The following WWOX variants were observed in gnomAD, a reference collection of about 807,000 sequenced individuals.
WWOX encodes WW domain containing oxidoreductase.
WWOX carries 69 observed loss-of-function variants against 46.2 expected under a neutral mutation model. The ratio of observed to expected loss-of-function variants is 1.49; its 90% CI spans 1.23 to 1.82. The LOEUF (loss-of-function observed/expected upper bound fraction) is 1.82. Ranked by LOEUF, WWOX falls within the 40% of genes most tolerant of loss-of-function variation. The pLI is 0.00. For missense variants in WWOX, 919 were observed against 542.6 expected (o/e 1.69, Z -6.89); for synonymous variants, 359 against 202.6 (o/e 1.77, Z -6.56).
intron 5 of WWOX, among the ~76,000 whole-genome samples, chr16:78,289,547 A>G (rs1445052738): frequency 1.3e-5 from 2 of 152,208 alleles, no homozygotes; most frequent in Non-Finnish European, 2.9e-5. Flanking sequence ...TACTTTTCCC[A>G]ACAATCGGTT....
intron 8 of WWOX, chr16:79,110,817 G>C (rs1012376960): frequency 2.0e-5 from 3 of 152,206 alleles, no homozygotes; most frequent in African/African-American, 7.2e-5. Flanking sequence ...CCTTTTATCA[G>C]CTGGGTGTTG....
In WWOX at chr16:78,167,043, T is replaced by G. The variant is rs917106546; in HGVS notation, c.516+2754T>G. On this transcript the variant is annotated intron_variant, in intron 5 of 8. Transcript: ENST00000566780. ...AATTCCAGGGACGCTAGTGACACTA[T>G]GGTAACCTGATTGTACAGTGACATT... The G allele has an allele frequency of 8.5e-5, 13 of 152,358 alleles. 1 individual carries two copies. Among genetic ancestry groups the G allele is most frequent in the African/African-American group, 2.9e-4 (12 of 41,592 alleles). 9.4% of individuals were successfully genotyped at this position (152,358 alleles called of 1,614,324 possible).
chr16:78,622,507 A>G (rs908312151), intron 8 of WWOX, among the ~76,000 whole-genome samples: 8 of 150,518 alleles, frequency 5.3e-5, no homozygotes, highest in Non-Finnish European at 7.4e-5. Context: ...GTGCCACTGT[A>G]CTCCAGCCTG....
At chr16:78,131,122 G>A (rs1310496270) in intron 4 of WWOX, among the ~76,000 whole-genome samples, 1 of 152,184 alleles carries the variant, frequency 6.6e-6, no homozygotes, top group Non-Finnish European at 1.5e-5. Context: ...TGGGACCGCC[G>A]TTGTATCTGC....
At chr16:78,517,738 A>T (rs79334981) in intron 8 of WWOX, among the ~76,000 whole-genome samples, 8 of 150,918 alleles carry the variant, frequency 5.3e-5, no homozygotes, top group African/African-American at 1.7e-4. Context: ...AACTAAACAC[A>T]TGTCACGTTA....
At chr16:79,074,730 A>C in intron 8 of WWOX, among the ~76,000 whole-genome samples, 1 of 152,126 alleles carries the variant, frequency 6.6e-6, no homozygotes, top group Non-Finnish European at 1.5e-5. Context: ...CTACAAAGAT[A>C]ACTAAGCTGA....
At chr16:78,896,433 C>T (rs2044702000) in intron 8 of WWOX, 1 of 152,170 alleles carries the variant, frequency 6.6e-6, no homozygotes, top group Non-Finnish European at 1.5e-5. Flanking sequence ...TCCGTTAGCA[C>T]ACTGAAGCCA....
At chr16:78,961,215 C>G (rs1226655668) in intron 8 of WWOX, among the ~76,000 whole-genome samples, 2 of 152,064 alleles carry the variant, frequency 1.3e-5, no homozygotes, top group Non-Finnish European at 2.9e-5. Context: ...GTTAAAAGGT[C>G]TATGCAGATT....
intron 8 of WWOX, among the ~76,000 whole-genome samples, chr16:78,433,110 T>C (rs1347796350): frequency 1.3e-5 from 2 of 152,188 alleles, no homozygotes; most frequent in Non-Finnish European, 2.9e-5. Flanking sequence ...AACTGCTGTT[T>C]TGTGTCAGTA....
chr16:78,947,635 G>A (rs74032447), intron 8 of WWOX, among the ~76,000 whole-genome samples: 2,580 of 152,276 alleles, frequency 0.017, 80 homozygotes, highest in African/African-American at 0.059. Context: ...GATAACCCCC[G>A]ATCGTAATAA....
At chr16:78,137,336 A>G (rs1472205701) in intron 4 of WWOX, among the ~76,000 whole-genome samples, 1 of 152,114 alleles carries the variant, frequency 6.6e-6, no homozygotes, top group Non-Finnish European at 1.5e-5. Flanking sequence ...CAGCTTGCCA[A>G]TTCTGGGGCC....
intron 8 of WWOX, among the ~76,000 whole-genome samples, chr16:78,549,320 C>T (rs898012709): frequency 1.3e-5 from 2 of 152,200 alleles, no homozygotes; most frequent in Non-Finnish European, 2.9e-5. Flanking sequence ...GAGCGTTCAA[C>T]CTGATTGAAT....
At chr16:79,083,664 G>T (rs1317699121) in intron 8 of WWOX, among the ~76,000 whole-genome samples, 2 of 152,114 alleles carry the variant, frequency 1.3e-5, no homozygotes, top group Non-Finnish European at 2.9e-5. Context: ...AAAGACAATT[G>T]CACGGCACAG....
chr16:78,912,186 C>G (rs1439569530), intron 8 of WWOX, among the ~76,000 whole-genome samples: 1 of 152,026 alleles, frequency 6.6e-6, no homozygotes, highest in Non-Finnish European at 1.5e-5. Context: ...ATAATTAATA[C>G]TAGCTCTTAT....
chr16:78,673,557 T>C (rs1428717527), intron 8 of WWOX, among the ~76,000 whole-genome samples: 1 of 152,102 alleles, frequency 6.6e-6, no homozygotes, highest in African/African-American at 2.4e-5. Context: ...TTCTGGATGG[T>C]TGAAGGGGAA....
chr16:78,319,811 C>A lies in WWOX; in HGVS notation c.517-67049C>A, dbSNP rs1202116941. Among the ~76,000 whole-genome samples the A allele has an allele frequency of 2.0e-5, 3 of 152,148 alleles. No individual in the cohort carries two copies. The East Asian group carries it at 5.8e-4, about 29-fold the overall frequency. On this transcript the variant is annotated intron_variant, in intron 5 of 8. Coordinates refer to ENST00000566780, the MANE Select transcript of WWOX (RefSeq NM_016373.4). ...CACACTTGCCACCCTCCGCCCTTAG[C>A]CTTTCTTTCAGCCTGTGAGGAAGCA... is the stretch of plus-strand genomic sequence containing the variant.
At chr16:78,372,746 T>A (rs1159510937) in intron 5 of WWOX, among the ~76,000 whole-genome samples, 1 of 152,234 alleles carries the variant, frequency 6.6e-6, no homozygotes, top group African/African-American at 2.4e-5. Context: ...AATAATCTTA[T>A]AGGATTCAGA....
At chr16:79,070,551 C>T (rs956804840) in intron 8 of WWOX, among the ~76,000 whole-genome samples, 1 of 152,196 alleles carries the variant, frequency 6.6e-6, no homozygotes, top group African/African-American at 2.4e-5. Flanking sequence ...AGCAAAGCTC[C>T]TTGGCAATGA....
chr16:78,911,104 C>T (rs1197699073), intron 8 of WWOX, among the ~76,000 whole-genome samples: 1 of 152,032 alleles, frequency 6.6e-6, no homozygotes, highest in East Asian at 1.9e-4. Flanking sequence ...TTGTTCTCCC[C>T]AGTTGCAGAC....
Sources: allele counts gnomAD v4.1 joint callset (sites outside exome capture counted in the v4.1 genomes callset), GRCh38; gene constraint gnomAD v4.1.1; transcripts MANE v1.5; gene names NCBI Gene and HGNC (gene_info 2026-07-23, HGNC 2026-07-21).